PSMB5: variants seen among roughly 807,000 people sequenced by gnomAD.
PSMB5 encodes the protein proteasome 20S subunit beta 5.
In PSMB5, 2 loss-of-function variants were observed where a neutral mutation model predicts 22.8. That is an observed-to-expected ratio of 0.09 (90% CI 0.04 to 0.28). The LOEUF is 0.28. PSMB5 is among the 10% of genes least tolerant of loss of function. The probability of loss-of-function intolerance (pLI) is 1.00; values close to 1 mark genes in which losing one functional copy is unlikely to be tolerated. For missense variants in PSMB5, 269 were observed against 343.8 expected (o/e 0.78, Z 1.72); for synonymous variants, 133 against 135.3 (o/e 0.98, Z 0.12).
intron 2 of PSMB5, among the ~76,000 whole-genome samples, chr14:23,030,763 C>G (rs1436082081): frequency 6.6e-6 from 1 of 151,572 alleles, no homozygotes; most frequent in African/African-American, 2.4e-5. Flanking sequence ...CCTGTCTCTA[C>G]TAAAAATACA....
intron 2 of PSMB5, 37 bp from the exon 3 acceptor site, chr14:23,026,412 A>G (rs780721812): frequency 1.3e-6 from 2 of 1,580,892 alleles, no homozygotes; most frequent in African/African-American, 1.4e-5. Flanking sequence ...AAAAAAAAAA[A>G]GATCACCCCT....
intron 2 of PSMB5, chr14:23,027,674 TA>T: frequency 9.0e-7 from 1 of 1,106,580 alleles, no homozygotes; most frequent in Non-Finnish European, 1.3e-6. Context: ...CCTGAAGGAA[TA>T]AAATTTAATA....
At chr14:23,028,646 G>T (rs976775954) in intron 2 of PSMB5, among the ~76,000 whole-genome samples, 1 of 152,146 alleles carries the variant, frequency 6.6e-6, no homozygotes, top group Non-Finnish European at 1.5e-5. Context: ...AAATGTTATT[G>T]GAACAGAGCC....
rs1173287716 is a variant in PSMB5 at position 23,026,327 on chromosome 14, A to G, written c.554T>C (p.Phe185Ser). The change falls in exon 3 of 3, where the codon TTC (phenylalanine) becomes TCC (serine). Residue 185 changes from phenylalanine to serine, a missense_variant. Phe to Ser is a radical substitution (Grantham distance 155). Transcript: ENST00000361611. ...SEGNRISGATFSVGSGSVYAY... is the reference protein window; with the variant it reads ...SEGNRISGATSSVGSGSVYAY... ...ATACACAGAGCCAGAACCTACAGAG[A>G]AGGTGGCCCCTGAAATCCGGTTCCC... 5 of 1,614,022 alleles carry G rather than the reference A, an allele frequency of 3.1e-6. No individual in the cohort carries two copies. Among genetic ancestry groups the G allele is most frequent in the Non-Finnish European group, 3.4e-6 (4 of 1,179,990 alleles).
At chr14:23,032,979 T>C (rs1372514851) in intron 2 of PSMB5, among the ~76,000 whole-genome samples, 2 of 149,378 alleles carry the variant, frequency 1.3e-5, no homozygotes, top group Non-Finnish European at 3.0e-5. Context: ...CGATCTCTGC[T>C]CACTGCAACA....
At chr14:23,034,951 T>A (rs2139925147), upstream of PSMB5, 4 of 1,531,896 alleles carry the variant, frequency 2.6e-6, no homozygotes, top group Non-Finnish European at 3.5e-6. Context: ...CGCCTCGCCG[T>A]CACAGCTTCA....
At position 23,034,837 on chromosome 14, in the gene PSMB5, C is replaced by T. The variant is rs1168357978; in HGVS notation, c.45G>A (p.Gln15=). 6.2e-7 allele frequency: 1 copy of T among 1,614,260 alleles called. No homozygotes were observed. The highest frequency in any genetic ancestry group is 1.7e-5 in the Admixed American group (1 of 60,030). ...SVLERPLPVN[Q]RGFFGLGGRA... ...GACCCCCAAGTCCGAAAAACCCGCG[C>T]TGGTTCACCGGTAGCGGTCTCTCCA... The change falls in exon 1 of 3, where the codon CAG becomes CAA. Residue 15 remains glutamine, a synonymous_variant. Coordinates refer to ENST00000361611, the MANE Select transcript of PSMB5 (RefSeq NM_002797.5).
chr14:23,033,997 C>A (rs1566716250), intron 1 of PSMB5, among the ~76,000 whole-genome samples: 1 of 151,976 alleles, frequency 6.6e-6, no homozygotes. Context: ...ACAGGGAGAT[C>A]CATCTCTACA....
intron 2 of PSMB5, 129 bp from the exon 3 acceptor site, chr14:23,026,504 C>A (rs974695664): frequency 1.6e-6 from 2 of 1,288,310 alleles, no homozygotes; most frequent in Non-Finnish European, 2.1e-6. Context: ...AGCTAGAGTG[C>A]AATGGCGCAA....
upstream of PSMB5, chr14:23,035,140 A>T (rs2046982972): frequency 1.8e-6 from 1 of 564,144 alleles, no homozygotes; most frequent in Non-Finnish European, 3.0e-6. Context: ...TCATGCAAGT[A>T]GTCCTGGATC....
chr14:23,032,461 AG>A (rs937020104), intron 2 of PSMB5, among the ~76,000 whole-genome samples: 16 of 152,228 alleles, frequency 1.1e-4, no homozygotes, highest in Non-Finnish European at 2.2e-4. Flanking sequence ...AAAGAAAAAA[AG>A]AAAAAAACAG....
rs1594715356 is a variant in PSMB5 at position 23,032,962 on chromosome 14, A to G, written c.505+406T>C. On this transcript the variant is annotated intron_variant, in intron 2 of 2. Transcript: ENST00000361611. ...CACTCTGTCGCCCAGGCTGGAGTGC[A>G]GTGGCGCGATCTCTGCTCACTGCAA... is the stretch of plus-strand genomic sequence containing the variant. Among the ~76,000 whole-genome samples the G allele has an allele frequency of 2.0e-5, 3 of 147,650 alleles. No homozygotes were observed. In the South Asian group the frequency reaches 7.0e-4, roughly 34 times the overall value.
chr14:23,031,336 C>T (rs2046951281), intron 2 of PSMB5, among the ~76,000 whole-genome samples: 1 of 152,208 alleles, frequency 6.6e-6, no homozygotes, highest in African/African-American at 2.4e-5. Flanking sequence ...AGAAAAGCAT[C>T]TCAATTTCCA....
chr14:23,035,087 A>G, upstream of PSMB5: 4 of 1,003,120 alleles, frequency 4.0e-6, no homozygotes, highest in South Asian at 7.4e-5. Context: ...TGGCTTCACT[A>G]ACCTTAAATT....
upstream of PSMB5, chr14:23,035,104 G>C: frequency 2.5e-6 from 2 of 811,926 alleles, no homozygotes; most frequent in East Asian, 5.9e-5. Context: ...AATTCTAAAA[G>C]GACGTACCTG....
At chr14:23,033,726 A>G (rs2046970636) in intron 1 of PSMB5, 52 bp from the exon 2 acceptor site, 1 of 1,484,054 alleles carries the variant, frequency 6.7e-7, no homozygotes, top group African/African-American at 1.4e-5. Flanking sequence ...CCACAAAAAC[A>G]CTCCTACATA....
At chr14:23,026,461 T>A (rs911895415) in intron 2 of PSMB5, 86 bp from the exon 3 acceptor site, 167 of 1,516,160 alleles carry the variant, frequency 1.1e-4, no homozygotes, top group Non-Finnish European at 1.5e-4. Context: ...GTAGTTCTTT[T>A]TTTTTGAGAT....
rs543180858 is a variant in PSMB5 at position 23,032,645 on chromosome 14, C to G, written c.505+723G>C. Among the ~76,000 whole-genome samples the G allele has an allele frequency of 3.3e-5, 5 of 151,826 alleles. No individual in the cohort carries two copies. In the East Asian group the frequency reaches 9.7e-4, roughly 30 times the overall value. ...ACAGAGTCTCGCTCTGTTGCCCAGGCTGGAGTGCAGTGGCACCATCTCGAC... is the reference window on the plus strand; with the variant it reads ...ACAGAGTCTCGCTCTGTTGCCCAGGGTGGAGTGCAGTGGCACCATCTCGAC... On this transcript the variant is annotated intron_variant, in intron 2 of 2. Coordinates refer to ENST00000361611, the MANE Select transcript of PSMB5 (RefSeq NM_002797.5).
At chr14:23,031,618 A>G (rs2046953013) in intron 2 of PSMB5, among the ~76,000 whole-genome samples, 1 of 152,248 alleles carries the variant, frequency 6.6e-6, no homozygotes, top group South Asian at 2.1e-4. Context: ...CAACTTTACT[A>G]AACGGGCAAT....
Sources: allele counts gnomAD v4.1 joint callset (sites outside exome capture counted in the v4.1 genomes callset), GRCh38; gene constraint gnomAD v4.1.1; transcripts MANE v1.5; gene names NCBI Gene and HGNC (gene_info 2026-07-23, HGNC 2026-07-21).